Variants in EPHA6 observed in about 807,000 individuals in gnomAD.
The protein encoded by EPHA6 is EPH receptor A6.
EPHA6 carries 50 observed loss-of-function variants against 112.0 expected under a neutral mutation model. That is an observed-to-expected ratio of 0.45 (90% CI 0.36 to 0.56). The LOEUF is 0.56. Among genes scored for constraint, EPHA6 ranks in the 20% least tolerant of loss-of-function variants. EPHA6 has a pLI of 0.00. For synonymous variants in EPHA6, 529 were observed against 490.7 expected, an observed-to-expected ratio of 1.08 and a Z score of -1.03; for missense variants, 1,280 against 1,417.4, an observed-to-expected ratio of 0.90 and a Z score of 1.56.
chr3:97,142,427 C>CT (rs765030316), intron 3 of EPHA6, among the ~76,000 whole-genome samples: 10 of 151,782 alleles, frequency 6.6e-5, no homozygotes, highest in Non-Finnish European at 1.5e-4. Flanking sequence ...TGATAGACTG[C>CT]TAGCTCAATT....
intron 16 of EPHA6, among the ~76,000 whole-genome samples, chr3:97,738,320 T>A (rs1324674977): frequency 6.6e-6 from 1 of 152,036 alleles, no homozygotes; most frequent in East Asian, 1.9e-4. Flanking sequence ...AAGAGGATAC[T>A]GGCATCTATA....
At chr3:97,547,629 C>A (rs1384342243) in intron 11 of EPHA6, among the ~76,000 whole-genome samples, 1 of 152,212 alleles carries the variant, frequency 6.6e-6, no homozygotes, top group Non-Finnish European at 1.5e-5. Flanking sequence ...GAGGTTACTG[C>A]TGTCTTTTTG....
intron 3 of EPHA6, among the ~76,000 whole-genome samples, chr3:97,113,430 C>T (rs1415561713): frequency 6.6e-6 from 1 of 152,138 alleles, no homozygotes; most frequent in Non-Finnish European, 1.5e-5. Flanking sequence ...ATGTTCCTAA[C>T]TGAGGCAAGG....
intron 5 of EPHA6, among the ~76,000 whole-genome samples, chr3:97,379,563 A>T (rs9851793): frequency 0.11 from 16,888 of 151,714 alleles, 2,980 homozygotes; most frequent in African/African-American, 0.37. Context: ...AGCCTGACCA[A>T]CATGGTGAAA....
intron 3 of EPHA6, among the ~76,000 whole-genome samples, chr3:97,162,206 T>A (rs2076430523): frequency 6.6e-6 from 1 of 152,142 alleles, no homozygotes; most frequent in South Asian, 2.1e-4. Flanking sequence ...TCTTTCAAGT[T>A]CTCAATGATG....
At chr3:97,458,410 G>A (rs2090770718) in intron 7 of EPHA6, among the ~76,000 whole-genome samples, 1 of 152,036 alleles carries the variant, frequency 6.6e-6, no homozygotes, top group South Asian at 2.1e-4. Flanking sequence ...TTTTAAATTA[G>A]TTATCTTATA....
chr3:97,209,878 T>C lies in EPHA6; in HGVS notation c.1115-16386T>C, dbSNP rs986013315. On this transcript the variant is annotated intron_variant, in intron 3 of 17. Coordinates refer to ENST00000389672, the MANE Select transcript of EPHA6 (RefSeq NM_001080448.3). ...CACACATACAATTCATTCAATTGAA[T>C]TGAATACGATTCAATTCTAGGTTGA... Among the ~76,000 whole-genome samples the C allele has an allele frequency of 7.0e-4, 106 of 152,232 alleles. 2 individuals carry two copies. The highest frequency in any genetic ancestry group is 1.6e-4 in the Non-Finnish European group (11 of 68,036).
intron 3 of EPHA6, among the ~76,000 whole-genome samples, chr3:97,190,129 T>C (rs1201977512): frequency 6.6e-6 from 1 of 152,094 alleles, no homozygotes; most frequent in South Asian, 2.1e-4. Flanking sequence ...CAAATATCCA[T>C]AGGGTGTGAG....
intron 1 of EPHA6, among the ~76,000 whole-genome samples, chr3:96,821,210 ACC>A (rs1293961937): frequency 3.3e-5 from 5 of 151,956 alleles, no homozygotes; most frequent in African/African-American, 1.2e-4. Context: ...ATTTTGAGTT[ACC>A]TTTTAATACT....
Position 97,167,622 on chromosome 3 carries a change from C to T in EPHA6, c.1115-58642C>T, listed in dbSNP as rs190335642. ...ACAAAGCTAACTAGCTGATAACTCT[C>T]TGTGCTTTAAGATATAAGGTGTCAT... On this transcript the variant is annotated intron_variant, in intron 3 of 17. Coordinates refer to ENST00000389672, the MANE Select transcript of EPHA6 (RefSeq NM_001080448.3). 1.4e-3 allele frequency among the ~76,000 whole-genome samples: 216 copies of T among 152,140 alleles called. 1 individual carries two copies. The highest frequency in any genetic ancestry group is 1.9e-4 in the Non-Finnish European group (13 of 67,974).
intron 10 of EPHA6, among the ~76,000 whole-genome samples, chr3:97,506,577 TA>T (rs1237805670): frequency 6.6e-6 from 1 of 152,200 alleles, no homozygotes; most frequent in Non-Finnish European, 1.5e-5. Flanking sequence ...CTGTTTTGGT[TA>T]CTGTAGCCTT....
intron 9 of EPHA6, among the ~76,000 whole-genome samples, chr3:97,482,281 C>A (rs2091575067): frequency 6.6e-6 from 1 of 152,064 alleles, no homozygotes; most frequent in Non-Finnish European, 1.5e-5. Flanking sequence ...TCAACATGAC[C>A]ACAGATCTGA....
chr3:97,139,302 G>A (rs1390484254), intron 3 of EPHA6, among the ~76,000 whole-genome samples: 1 of 152,138 alleles, frequency 6.6e-6, no homozygotes, highest in Non-Finnish European at 1.5e-5. Flanking sequence ...CCTACTGGTG[G>A]GGAAGCCAGC....
At chr3:97,202,958 A>G (rs1248054087) in intron 3 of EPHA6, among the ~76,000 whole-genome samples, 6 of 152,112 alleles carry the variant, frequency 3.9e-5, no homozygotes, top group African/African-American at 9.7e-5. Flanking sequence ...GGGGTAATCC[A>G]GAAAGAGCAA....
At chr3:97,657,088 T>C (rs2094141795) in intron 14 of EPHA6, among the ~76,000 whole-genome samples, 1 of 151,984 alleles carries the variant, frequency 6.6e-6, no homozygotes, top group Admixed American at 6.6e-5. Flanking sequence ...TTTCTTTTTA[T>C]GGAAGCTGAA....
intron 3 of EPHA6, among the ~76,000 whole-genome samples, chr3:97,088,100 G>C (rs2046956656): frequency 6.6e-6 from 1 of 152,094 alleles, no homozygotes; most frequent in Non-Finnish European, 1.5e-5. Context: ...ATAATTGCTT[G>C]AACCGGGGAG....
At position 97,753,419 on chromosome 3, in the gene EPHA6, C is replaced by T. The variant is rs1054806357; in HGVS notation, c.*4718C>T. ...AAATGGAAAGAAATATTTTGGACCT[C>T]AAATTCTCATAGTATTCTTCCGAAA... On this transcript the variant is annotated 3_prime_UTR_variant, in exon 18 of 18. Transcript: ENST00000389672. Among the ~76,000 whole-genome samples, 16 of 152,114 alleles carry T rather than the reference C, an allele frequency of 1.1e-4. No homozygotes were observed. Among genetic ancestry groups the T allele is most frequent in the African/African-American group, 3.9e-4 (16 of 41,436 alleles).
intron 3 of EPHA6, among the ~76,000 whole-genome samples, chr3:97,179,970 G>A (rs1445916686): frequency 6.6e-6 from 1 of 151,998 alleles, no homozygotes; most frequent in Non-Finnish European, 1.5e-5. Context: ...CTGTTTCCTT[G>A]CCTTAAGGTT....
chr3:97,494,348 A>G (rs1436308510), intron 10 of EPHA6, among the ~76,000 whole-genome samples: 4 of 152,176 alleles, frequency 2.6e-5, no homozygotes, highest in East Asian at 3.9e-4. Flanking sequence ...AGTAAGTGAC[A>G]CTTTCTAACC....
Sources: gnomAD v4.1 joint callset for allele counts (sites outside exome capture counted in the v4.1 genomes callset) on GRCh38, gnomAD v4.1.1 for gene constraint, MANE v1.5 for transcripts, NCBI Gene and HGNC (gene_info 2026-07-23, HGNC 2026-07-21) for gene names.